Variants in MARCHF10 observed in about 807,000 individuals in gnomAD.
MARCHF10 encodes the protein membrane associated ring-CH-type finger 10.
MARCHF10 carries 64 observed loss-of-function variants against 76.2 expected under a neutral mutation model. That is an observed-to-expected ratio of 0.84 (90% confidence interval 0.69 to 1.03). The LOEUF (loss-of-function observed/expected upper bound fraction) is 1.03, where lower values mean the gene tolerates loss of function less well. Among genes scored for constraint, MARCHF10 ranks in the 50% least tolerant of loss-of-function variants. The probability of loss-of-function intolerance (pLI) is 0.00; values close to 1 mark genes in which losing one functional copy is unlikely to be tolerated. For synonymous variants in MARCHF10, 340 were observed against 357.5 expected (o/e 0.95, Z 0.55); for missense variants, 875 against 958.0 (o/e 0.91, Z 1.14).
At position 62,712,129 on chromosome 17, in the gene MARCHF10, A is replaced by G. The variant is rs987103064; in HGVS notation, c.2215-785T>C. On this transcript the variant is annotated intron_variant, in intron 8 of 10. Transcript: ENST00000311269. The surrounding 1 kb of genome is among the most constrained non-coding windows in gnomAD (Gnocchi z 4.2). ...CCATAAATCAGTGGTATTAGTAACA[A>G]CTACTCCTATCCCTCTATAGGGGAA... Among the ~76,000 whole-genome samples the G allele has an allele frequency of 3.3e-5, 5 of 152,174 alleles. No individual in the cohort carries two copies. Among genetic ancestry groups the G allele is most frequent in the Non-Finnish European group, 7.3e-5 (5 of 68,028 alleles).
intron 1 of MARCHF10, among the ~76,000 whole-genome samples, chr17:62,806,147 A>T (rs918882240): frequency 6.6e-6 from 1 of 152,180 alleles, no homozygotes; most frequent in African/African-American, 2.4e-5. Flanking sequence ...CCTCAGTATA[A>T]GCAAACATTC....
At chr17:62,707,637 G>C (rs953701881) in intron 9 of MARCHF10, 1 of 152,322 alleles carries the variant, frequency 6.6e-6, no homozygotes, top group Non-Finnish European at 1.5e-5. Context: ...CTGAAGGAGG[G>C]GCGAGAATGG....
At chr17:62,744,034 C>T (rs2091610115) in intron 5 of MARCHF10, among the ~76,000 whole-genome samples, 1 of 152,110 alleles carries the variant, frequency 6.6e-6, no homozygotes, top group Non-Finnish European at 1.5e-5. Flanking sequence ...CCAACCCCTG[C>T]CATCTACCAC....
At chr17:62,784,376 A>G (rs562155350) in intron 3 of MARCHF10, among the ~76,000 whole-genome samples, 12 of 152,296 alleles carry the variant, frequency 7.9e-5, no homozygotes, top group African/African-American at 2.9e-4. Context: ...ACATATCTCA[A>G]AATAATAAGA....
intron 5 of MARCHF10, among the ~76,000 whole-genome samples, chr17:62,742,284 T>A (rs2091543522): frequency 6.6e-6 from 1 of 152,118 alleles, no homozygotes; most frequent in South Asian, 2.1e-4. Flanking sequence ...CCTCCCAAAG[T>A]GCTGGGATTA....
At chr17:62,727,031 C>T (rs1349426143) in intron 6 of MARCHF10, among the ~76,000 whole-genome samples, 1 of 152,140 alleles carries the variant, frequency 6.6e-6, no homozygotes, top group Admixed American at 6.5e-5. Context: ...TCAGGTTCAC[C>T]GGTAGAGATT....
At chr17:62,750,975 G>A (rs1313605505) in intron 4 of MARCHF10, among the ~76,000 whole-genome samples, 2 of 152,190 alleles carry the variant, frequency 1.3e-5, no homozygotes, top group African/African-American at 4.8e-5. Flanking sequence ...CTGTAGTCAT[G>A]CCCTGATCTG....
In MARCHF10 at chr17:62,723,559, C is replaced by CTTTTTTTTTTTTTTTTTTTTTTTTTTT. The variant is rs60456766; in HGVS notation, c.2105-963_2105-962insAAAAAAAAAAAAAAAAAAAAAAAAAAA. On this transcript the variant is annotated intron_variant, in intron 7 of 10. Transcript: ENST00000311269. ...CCTTATCTGCATTTTGTTCGCTTGA[C>CTTTTTTTTTTTTTTTTTTTTTTTTTTT]TTTTTTTTTTTTTTTTTTTAGCGTC... 8.0e-4 allele frequency among the ~76,000 whole-genome samples: 64 copies of CTTTTTTTTTTTTTTTTTTTTTTTTTTT among 80,360 alleles called. 7 individuals carry two copies. The highest frequency in any genetic ancestry group is 3.1e-3 in the East Asian group (9 of 2,870). 52.7% of individuals were successfully genotyped at this position (80,360 alleles called of 152,430 possible).
chr17:62,796,629 T>C (rs572932074), intron 2 of MARCHF10, among the ~76,000 whole-genome samples: 1 of 152,288 alleles, frequency 6.6e-6, no homozygotes, highest in South Asian at 2.1e-4. Context: ...TGGTTCAACA[T>C]TGAAGAGGGA....
rs1247049744 is a variant in MARCHF10 at position 62,722,687 on chromosome 17, G to C, written c.2105-90C>G. 4.8e-6 allele frequency: 5 copies of C among 1,048,840 alleles called. No homozygotes were observed. The East Asian group carries it at 1.3e-4, about 28-fold the overall frequency. 65.0% of individuals were successfully genotyped at this position (1,048,840 alleles called of 1,614,324 possible). ...CAGGTGATATTTGGGGAGTGAACTT[G>C]TGTGTGTTATGAATTCTGAGCTTCA... is the stretch of plus-strand genomic sequence containing the variant. On this transcript the variant is annotated intron_variant, in intron 7 of 10. Coordinates refer to ENST00000311269, the MANE Select transcript of MARCHF10 (RefSeq NM_152598.4).
intron 10 of MARCHF10, among the ~76,000 whole-genome samples, chr17:62,703,689 C>A (rs1160581401): frequency 2.6e-5 from 4 of 152,196 alleles, no homozygotes; most frequent in Non-Finnish European, 5.9e-5. Flanking sequence ...TCCCAGTTCC[C>A]GGAGGAAGGA....
Position 62,736,782 on chromosome 17 carries a change from T to A in MARCHF10, c.1086A>T (p.Pro362=). The A allele has an allele frequency of 6.2e-7, 1 of 1,614,206 alleles. No individual in the cohort carries two copies. The highest frequency in any genetic ancestry group is 8.5e-7 in the Non-Finnish European group (1 of 1,180,030). ...GCCCAGCAGAAGGCCGCTCTGTTGC[T>A]GGCTCCATTGCATTGCTTATTCTCA... is the stretch of plus-strand genomic sequence containing the variant. ...GSLRISNAME[P]ATERPSAGQR... is the part of the protein sequence containing the mutation. The change falls in exon 6 of 11, where the codon CCA becomes CCT. Residue 362 remains proline (P), a synonymous_variant. Coordinates refer to ENST00000311269, the MANE Select transcript of MARCHF10 (RefSeq NM_152598.4).
At chr17:62,752,747 T>G (rs1301577539) in intron 4 of MARCHF10, among the ~76,000 whole-genome samples, 1 of 151,806 alleles carries the variant, frequency 6.6e-6, no homozygotes, top group Non-Finnish European at 1.5e-5. Context: ...TAGGATTCCT[T>G]ACAGGTGTGA....
chr17:62,788,853 G>A (rs573874477), intron 2 of MARCHF10, among the ~76,000 whole-genome samples: 1 of 151,212 alleles, frequency 6.6e-6, no homozygotes, highest in African/African-American at 2.4e-5. Context: ...CATGAGGTCA[G>A]GAGATCAAGA....
chr17:62,716,443 A>G (rs562108992), intron 8 of MARCHF10, among the ~76,000 whole-genome samples: 46 of 151,822 alleles, frequency 3.0e-4, no homozygotes, highest in Middle Eastern at 3.4e-3. Context: ...AAAAAAAAAA[A>G]AAAGAAAAAA....
At chr17:62,770,930 A>G (rs1568186533) in intron 3 of MARCHF10, among the ~76,000 whole-genome samples, 1 of 135,838 alleles carries the variant, frequency 7.4e-6, no homozygotes, top group Non-Finnish European at 1.5e-5. Context: ...ATCTTGGCTC[A>G]CTGCAACCTC....
Position 62,736,025 on chromosome 17 carries a change from TATC to T in MARCHF10, c.1840_1842del (p.Asp614del). The stretch of plus-strand genomic sequence containing the variant: ...CCAGAGGCTGCCATCCTGCTCCCAT[TATC>T]ATTTTGATTTGGGAAATGAGACACT... On this transcript the variant is annotated inframe_deletion, in exon 6 of 11. Coordinates refer to ENST00000311269, the MANE Select transcript of MARCHF10 (RefSeq NM_152598.4). The T allele has an allele frequency of 6.2e-7, 1 of 1,614,184 alleles. No individual in the cohort carries two copies.
intron 5 of MARCHF10, among the ~76,000 whole-genome samples, chr17:62,739,144 C>T (rs1310474827): frequency 6.6e-6 from 1 of 151,916 alleles, no homozygotes; most frequent in Non-Finnish European, 1.5e-5. Flanking sequence ...ACTAAAAATA[C>T]AAAAATTAGC....
chr17:62,730,934 A>G (rs1444954341), intron 6 of MARCHF10, among the ~76,000 whole-genome samples: 1 of 152,182 alleles, frequency 6.6e-6, no homozygotes, highest in African/African-American at 2.4e-5. Flanking sequence ...ACAAAAAAGC[A>G]GTGAAGGAAA....
Sources: allele counts gnomAD v4.1 joint callset (sites outside exome capture counted in the v4.1 genomes callset), GRCh38; gene constraint gnomAD v4.1.1; non-coding constraint Gnocchi (gnomAD v3.1); transcripts MANE v1.5; gene names NCBI Gene and HGNC (gene_info 2026-07-23, HGNC 2026-07-21).